SYNPR: variants seen among roughly 807,000 people sequenced by gnomAD.
SYNPR encodes the protein synaptoporin.
A neutral mutation model predicts 32.9 loss-of-function variants in SYNPR; 23 were observed. That is an observed-to-expected ratio of 0.70 (90% CI 0.50 to 0.99). The LOEUF (loss-of-function observed/expected upper bound fraction) is 0.99. SYNPR is among the 50% of genes least tolerant of loss of function. SYNPR has a pLI of 0.00. For synonymous variants in SYNPR, 146 were observed against 135.9 expected (o/e 1.07, Z -0.52); for missense variants, 318 against 349.3 (o/e 0.91, Z 0.71).
chr3:63,381,543 GA>G, intron 2 of SYNPR, among the ~76,000 whole-genome samples: 1 of 152,274 alleles, frequency 6.6e-6, no homozygotes. Flanking sequence ...CACAGAACTG[GA>G]AAAAACTGCT....
intron 3 of SYNPR, among the ~76,000 whole-genome samples, chr3:63,495,796 G>A (rs1180576193): frequency 1.3e-5 from 2 of 152,018 alleles, no homozygotes; most frequent in Non-Finnish European, 2.9e-5. Context: ...AGGGAGATGT[G>A]GGGTGTGGAA....
intron 4 of SYNPR, among the ~76,000 whole-genome samples, chr3:63,599,185 CT>C (rs778274373): frequency 3.3e-5 from 5 of 152,078 alleles, no homozygotes; most frequent in Non-Finnish European, 5.9e-5. Context: ...GTCTTATCCC[CT>C]GGTGACATCA....
intron 4 of SYNPR, among the ~76,000 whole-genome samples, chr3:63,574,285 A>G (rs1018698173): frequency 6.6e-6 from 1 of 152,194 alleles, no homozygotes; most frequent in African/African-American, 2.4e-5. Context: ...CCCATAGTTT[A>G]CTAAACTTCA....
chr3:63,430,638 A>C (rs979946747), intron 2 of SYNPR, among the ~76,000 whole-genome samples: 1 of 152,216 alleles, frequency 6.6e-6, no homozygotes, highest in Non-Finnish European at 1.5e-5. Context: ...ATGTACTCAA[A>C]AAAGTTTATT....
At chr3:63,397,295 T>C (rs186733988) in intron 2 of SYNPR, among the ~76,000 whole-genome samples, 275 of 152,196 alleles carry the variant, frequency 1.8e-3, no homozygotes, top group Non-Finnish European at 3.2e-3. Context: ...GTCAGGAAAA[T>C]GCAAGGGTTG....
chr3:63,341,669 G>A (rs2087372240), intron 2 of SYNPR, among the ~76,000 whole-genome samples: 1 of 152,108 alleles, frequency 6.6e-6, no homozygotes, highest in African/African-American at 2.4e-5. Context: ...TGAAATGAAT[G>A]TTCATATCTT....
At chr3:63,255,505 C>T (rs1262498283) in intron 2 of SYNPR, among the ~76,000 whole-genome samples, 3 of 152,176 alleles carry the variant, frequency 2.0e-5, no homozygotes, top group African/African-American at 7.2e-5. Context: ...ATTTATGATA[C>T]TCCCTTTCAC....
chr3:63,557,792 A>G (rs1702619745), intron 4 of SYNPR, among the ~76,000 whole-genome samples: 2 of 152,192 alleles, frequency 1.3e-5, no homozygotes, highest in African/African-American at 4.8e-5. Flanking sequence ...TTTACATCTA[A>G]AAAAGGAAAA....
intron 2 of SYNPR, among the ~76,000 whole-genome samples, chr3:63,406,915 T>C (rs2088367752): frequency 6.6e-6 from 1 of 152,180 alleles, no homozygotes; most frequent in South Asian, 2.1e-4. Flanking sequence ...GCCCTTTGGA[T>C]GGCCACAGAT....
intron 2 of SYNPR, chr3:63,330,011 A>G (rs17068247): frequency 0.048 from 7,293 of 152,392 alleles, 239 homozygotes; most frequent in Middle Eastern, 0.091. Context: ...CCCTGCAGGT[A>G]TTTTAGCATC....
rs531640729 is a variant in SYNPR, at chr3:63,324,018, T to C, written c.84+45276T>C. Among the ~76,000 whole-genome samples the C allele has an allele frequency of 2.6e-5, 4 of 152,248 alleles. No homozygotes were observed. The South Asian group carries it at 8.3e-4, about 32-fold the overall frequency. ...CAAAGTCCTAATGTTTAGCCACCTA[T>C]AGTATACTGCTTCAATAAGCATGGC... On this transcript the variant is annotated intron_variant, in intron 2 of 5. Coordinates refer to ENST00000478300, the MANE Select transcript of SYNPR (RefSeq NM_001130003.2).
intron 2 of SYNPR, among the ~76,000 whole-genome samples, chr3:63,347,414 T>C (rs115438031): frequency 0.018 from 2,770 of 152,354 alleles, 93 homozygotes; most frequent in African/African-American, 0.063. Flanking sequence ...TTATTCTTTG[T>C]CTGAATTCAA....
rs372657184 is a variant in SYNPR at position 63,310,723 on chromosome 3, G to T, written c.84+31981G>T. ...GAGCCAATCCTGAGGTTACTGTGGG[G>T]GCACTAGCTGGCTGAGACCTGGATA... On this transcript the variant is annotated intron_variant, in intron 2 of 5. Coordinates refer to ENST00000478300, the MANE Select transcript of SYNPR (RefSeq NM_001130003.2). 7.2e-5 allele frequency among the ~76,000 whole-genome samples: 11 copies of T among 152,114 alleles called. 1 individual carries two copies. The highest frequency in any genetic ancestry group is 2.6e-4 in the African/African-American group (11 of 41,530).
At chr3:63,437,684 A>G (rs1700109416) in intron 2 of SYNPR, among the ~76,000 whole-genome samples, 1 of 152,060 alleles carries the variant, frequency 6.6e-6, no homozygotes. Flanking sequence ...AAAGAAGGAA[A>G]GAAAGAAGAA....
intron 2 of SYNPR, among the ~76,000 whole-genome samples, chr3:63,258,573 T>C (rs1003751724): frequency 4.6e-5 from 7 of 152,078 alleles, no homozygotes; most frequent in South Asian, 2.1e-4. Flanking sequence ...TTCAAAGCAG[T>C]GCGTAGAGGG....
chr3:63,236,753 G>A (rs892053475), intron 1 of SYNPR, among the ~76,000 whole-genome samples: 1 of 152,126 alleles, frequency 6.6e-6, no homozygotes, highest in Non-Finnish European at 1.5e-5. Context: ...AGTTCTAGGA[G>A]TATTTTTGTA....
intron 4 of SYNPR, among the ~76,000 whole-genome samples, chr3:63,570,418 A>C (rs911831607): frequency 6.6e-6 from 1 of 152,202 alleles, no homozygotes; most frequent in Non-Finnish European, 1.5e-5. Flanking sequence ...CTAAGCGTTC[A>C]CATGCTCTTC....
intron 4 of SYNPR, among the ~76,000 whole-genome samples, chr3:63,571,609 G>A (rs1702887819): frequency 6.6e-6 from 1 of 152,010 alleles, no homozygotes. Context: ...TCAAAATTCA[G>A]AAAATTTCTA....
chr3:63,432,154 G>A lies in SYNPR; in HGVS notation c.85-48678G>A, dbSNP rs150070351. Among the ~76,000 whole-genome samples the A allele has an allele frequency of 2.7e-4, 41 of 152,284 alleles. No individual in the cohort carries two copies. The East Asian group carries it at 6.2e-3, about 23-fold the overall frequency. On this transcript the variant is annotated intron_variant, in intron 2 of 5. Transcript: ENST00000478300. Reference sequence around the variant, plus strand: ...TCTTCCAGAGCACCCCAGTGAGGTAGCCCCAGTTGCCTACCACAGGCACCT... The same window carrying A: ...TCTTCCAGAGCACCCCAGTGAGGTAACCCCAGTTGCCTACCACAGGCACCT...
Sources: gnomAD v4.1 joint callset for allele counts (sites outside exome capture counted in the v4.1 genomes callset) on GRCh38, gnomAD v4.1.1 for gene constraint, MANE v1.5 for transcripts, NCBI Gene and HGNC (gene_info 2026-07-23, HGNC 2026-07-21) for gene names.